The following FMNL3 variants were observed in gnomAD, a reference collection of about 807,000 sequenced individuals.
FMNL3 encodes formin-like protein 3.
In FMNL3, 57 loss-of-function variants were observed where a neutral mutation model predicts 119.6. The observed-to-expected ratio is 0.48, with a 90% CI of 0.39 to 0.59. FMNL3 has a LOEUF of 0.59. FMNL3 is among the 20% of genes least tolerant of loss of function. FMNL3 has a pLI of 0.00. For missense variants in FMNL3, 1,053 were observed against 1,323.5 expected (o/e 0.80, Z 3.17); for synonymous variants, 491 against 507.3 (o/e 0.97, Z 0.43).
intron 1 of FMNL3, among the ~76,000 whole-genome samples, chr12:49,676,514 T>G (rs1033515828): frequency 9.0e-5 from 13 of 144,024 alleles, no homozygotes; most frequent in Non-Finnish European, 1.8e-4. Flanking sequence ...GAATGTTTCA[T>G]AGTGGGTTTT....
chr12:49,649,065 A>G lies in FMNL3; in HGVS notation c.2479T>C (p.Trp827Arg). The change falls in exon 21 of 26, where the codon TGG becomes CGG. Residue 827 changes from tryptophan to arginine, a missense_variant. Physicochemically the swap from Trp to Arg is moderately radical, Grantham distance 101. This residue lies in a region of FMNL3 where 324 missense variants were observed against 380.9 expected (regional missense o/e 0.85). Coordinates refer to ENST00000335154, the MANE Select transcript of FMNL3 (RefSeq NM_175736.5). The surrounding 1 kb of genome is among the most constrained non-coding windows in gnomAD (Gnocchi z 5.6). ...KEKYPDLANF[W>R]HELHFVEKAA... ...TTCTCAACAAAGTGCAGCTCATGCC[A>G]GAAGTTAGCCAGGTCTGGGTATTTC... is the stretch of plus-strand genomic sequence containing the variant. 6.2e-7 allele frequency: 1 copy of G among 1,611,618 alleles called. No homozygotes were observed. Among genetic ancestry groups the G allele is most frequent in the South Asian group, 1.1e-5 (1 of 90,584 alleles).
intron 1 of FMNL3, among the ~76,000 whole-genome samples, chr12:49,686,351 G>A (rs772543012): frequency 2.0e-5 from 3 of 151,640 alleles, no homozygotes; most frequent in East Asian, 2.0e-4. Flanking sequence ...GGAGGCCGAC[G>A]CAGGCGGATC....
At position 49,642,160 on chromosome 12, in the gene FMNL3, T is replaced by C; in HGVS notation, c.*3655A>G. 2 of 1,611,678 alleles carry C rather than the reference T, an allele frequency of 1.2e-6. No homozygotes were observed. The highest frequency in any genetic ancestry group is 1.7e-6 in the Non-Finnish European group (2 of 1,178,454). On this transcript the variant is annotated 3_prime_UTR_variant, in exon 26 of 26. Coordinates refer to ENST00000335154, the MANE Select transcript of FMNL3 (RefSeq NM_175736.5). The surrounding 1 kb of genome is among the most constrained non-coding windows in gnomAD (Gnocchi z 5.8). ...GAAGCCCAGACCCTAACTTTCCACC[T>C]CCTAAGGTATGCCTGAGTGGGACCT...
In FMNL3 at chr12:49,643,417, G is replaced by A. The variant is rs374374885; in HGVS notation, c.*2398C>T. 1.3e-4 allele frequency: 204 copies of A among 1,535,172 alleles called. No individual in the cohort carries two copies. The highest frequency in any genetic ancestry group is 5.0e-4 in the African/African-American group (36 of 72,312). Reference sequence around the variant, plus strand: ...GAGCAGGTAAGCAGTTGCTGTGAGCGTAGAAGCTGGAGAACTGTTGTCCCA... The same window carrying A: ...GAGCAGGTAAGCAGTTGCTGTGAGCATAGAAGCTGGAGAACTGTTGTCCCA... On this transcript the variant is annotated 3_prime_UTR_variant, in exon 26 of 26. Transcript: ENST00000335154.
At chr12:49,660,871 A>T (rs1943713526) in intron 5 of FMNL3, among the ~76,000 whole-genome samples, 1 of 152,198 alleles carries the variant, frequency 6.6e-6, no homozygotes. Flanking sequence ...CTGAGGCAGG[A>T]CTGAGGCAGG....
Position 49,654,308 on chromosome 12 carries a change from G to A in FMNL3, c.961-6C>T, listed in dbSNP as rs1452613708. ...ATGAACTGCATGCAGGCCACCTGAA[G>A]AAGAGGAGGCCCAGAGAAGCAGCAA... On this transcript the variant is annotated splice_region_variant and splice_polypyrimidine_tract_variant and intron_variant, in intron 10 of 25. Transcript: ENST00000335154. 3 of 1,611,954 alleles carry A rather than the reference G, an allele frequency of 1.9e-6. No individual in the cohort carries two copies. The highest frequency in any genetic ancestry group is 2.7e-5 in the African/African-American group (2 of 74,840).
At chr12:49,686,609 CACCTTTATG>C (rs1944470383) in intron 1 of FMNL3, among the ~76,000 whole-genome samples, 1 of 149,368 alleles carries the variant, frequency 6.7e-6, no homozygotes, top group Non-Finnish European at 1.5e-5. Flanking sequence ...AAGTATTGAG[CACCTTTATG>C]TCAGTCACTG....
Position 49,637,319 on chromosome 12 carries a change from A to G in FMNL3, c.*8496T>C, listed in dbSNP as rs544654415. 1.6e-3 allele frequency: 987 copies of G among 620,490 alleles called. 2 individuals carry two copies. The highest frequency in any genetic ancestry group is 2.3e-3 in the Non-Finnish European group (792 of 346,638). 38.4% of individuals were successfully genotyped at this position (620,490 alleles called of 1,614,324 possible). On this transcript the variant is annotated 3_prime_UTR_variant, in exon 26 of 26. Transcript: ENST00000335154. ...CTTTTTGCATTGTTCTCAGCCTTCC[A>G]TCTGCATCTCTTCATCTCTGCCTCT...
At chr12:49,646,776 A>G in intron 25 of FMNL3, 110 bp downstream of exon 25, 2 of 1,571,048 alleles carry the variant, frequency 1.3e-6, no homozygotes, top group South Asian at 2.2e-5. Context: ...AGAGAGACAC[A>G]GTGGTCAGGC....
chr12:49,684,932 T>C (rs1944419717), intron 1 of FMNL3, among the ~76,000 whole-genome samples: 2 of 152,208 alleles, frequency 1.3e-5, no homozygotes, highest in South Asian at 4.1e-4. Flanking sequence ...GGCCCAAGCA[T>C]ACTCTGGACA....
chr12:49,650,980 A>G (rs1327755801), intron 16 of FMNL3, 102 bp from the exon 17 acceptor site: 1 of 1,486,096 alleles, frequency 6.7e-7, no homozygotes, highest in East Asian at 2.3e-5. Flanking sequence ...TCACTCTGGA[A>G]TATTTCCTGA....
rs1942298501 is a variant in FMNL3 at position 49,639,439 on chromosome 12, A to C, written c.*6376T>G. ...AGAAAAGTCAGTAGGCTGTGCAGGAATCTTGTAGGAGGTGATCCTAGCCGG... is the reference window on the plus strand; with the variant it reads ...AGAAAAGTCAGTAGGCTGTGCAGGACTCTTGTAGGAGGTGATCCTAGCCGG... On this transcript the variant is annotated 3_prime_UTR_variant, in exon 26 of 26. Coordinates refer to ENST00000335154, the MANE Select transcript of FMNL3 (RefSeq NM_175736.5). 1 of 152,352 alleles carries C rather than the reference A, an allele frequency of 6.6e-6. No homozygotes were observed. Among genetic ancestry groups the C allele is most frequent in the Non-Finnish European group, 1.5e-5 (1 of 68,084 alleles). The allele number at this position is 152,352 out of a possible 1,614,324, so 9.4% of individuals were successfully genotyped here. A position where few individuals can be genotyped will look rare whatever the true frequency, so the allele number is the denominator to read the frequency against.
chr12:49,636,780 G>A lies in FMNL3; in HGVS notation c.*9035C>T, dbSNP rs773573283. On this transcript the variant is annotated 3_prime_UTR_variant, in exon 26 of 26. Transcript: ENST00000335154. ...ACATCCGAGCTTTGGAGAGGGAAGA[G>A]GAGGAGGAACGGGAGCGGGCCCGGC... The A allele has an allele frequency of 6.2e-7, 1 of 1,614,246 alleles. No homozygotes were observed. The highest frequency in any genetic ancestry group is 8.5e-7 in the Non-Finnish European group (1 of 1,180,034).
chr12:49,684,263 G>A (rs1466833325), intron 1 of FMNL3, among the ~76,000 whole-genome samples: 1 of 152,154 alleles, frequency 6.6e-6, no homozygotes, highest in Non-Finnish European at 1.5e-5. Context: ...CAGGGAAAAT[G>A]ACACCTTAAC....
intron 1 of FMNL3, among the ~76,000 whole-genome samples, chr12:49,703,367 C>T (rs1944960978): frequency 6.6e-6 from 1 of 152,128 alleles, no homozygotes; most frequent in Non-Finnish European, 1.5e-5. Context: ...GATTGGCTCT[C>T]ATTCTGGTAT....
rs1351669273 is a variant in FMNL3, at chr12:49,665,832, C to T, written c.368G>A (p.Gly123Glu). ...AGGCTATACGGCCAATCCAACTCAC[C>T]CAATGTGGTTGGTGCGAAGAGAGAT... ...LEISLRTNHI[G>E]WVREFLNDEN... The change falls in exon 4 of 26, where the codon GGG (glycine) becomes GAG (glutamate). Residue 123 changes from glycine (G) to glutamate (E), a missense_variant and splice_region_variant. Physicochemically the swap from Gly to Glu is moderately conservative, Grantham distance 98. This residue lies in a region of FMNL3 where 264 missense variants were observed against 265.5 expected (regional missense o/e 0.99). Transcript: ENST00000335154. 5.6e-6 allele frequency: 9 copies of T among 1,614,102 alleles called. No individual in the cohort carries two copies. Among genetic ancestry groups the T allele is most frequent in the Non-Finnish European group, 7.6e-6 (9 of 1,180,036 alleles).
At position 49,647,757 on chromosome 12, in the gene FMNL3, A is replaced by G; in HGVS notation, c.2724T>C (p.Thr908=). The G allele has an allele frequency of 6.2e-7, 1 of 1,614,202 alleles. No individual in the cohort carries two copies. Among genetic ancestry groups the G allele is most frequent in the Non-Finnish European group, 8.5e-7 (1 of 1,180,020 alleles). Residue 908 remains threonine, a synonymous_variant, in exon 23 of 26, where the codon ACT becomes ACC. Coordinates refer to ENST00000335154, the MANE Select transcript of FMNL3 (RefSeq NM_175736.5). This position sits in a 1 kb window ranked among gnomAD's most constrained non-coding sequence, Gnocchi z 4.9. Reference sequence around the variant, plus strand: ...CTGGGAAGAATACAGAAGGAGGTGTAGTCTTGGGACTCTCGCCAAAGTAGC... The same window carrying G: ...CTGGGAAGAATACAGAAGGAGGTGTGGTCTTGGGACTCTCGCCAAAGTAGC... ...VVRYFGESPK[T]TPPSVFFPVF...
Position 49,644,016 on chromosome 12 carries a change from G to C in FMNL3, c.*1799C>G, listed in dbSNP as rs369007204. 2.3e-4 allele frequency: 365 copies of C among 1,614,146 alleles called. 1 individual carries two copies. In the African/African-American group the frequency reaches 4.3e-3, roughly 19 times the overall value. Reference sequence around the variant, plus strand: ...TCAAGAAGGAGAAGGTGAGGGGCAGGGGCCCTAGGCCAGTCAGCACGCTGG... The same window carrying C: ...TCAAGAAGGAGAAGGTGAGGGGCAGCGGCCCTAGGCCAGTCAGCACGCTGG... On this transcript the variant is annotated 3_prime_UTR_variant, in exon 26 of 26. Transcript: ENST00000335154.
intron 1 of FMNL3, among the ~76,000 whole-genome samples, chr12:49,700,714 C>CAAAAAAAAA: frequency 1.6e-5 from 1 of 63,992 alleles, no homozygotes; most frequent in Non-Finnish European, 2.8e-5. Context: ...GACTCCACCT[C>CAAAAAAAAA]AAAAAAAAAA....
Sources: gnomAD v4.1 joint callset for allele counts (sites outside exome capture counted in the v4.1 genomes callset) on GRCh38, gnomAD v4.1.1 for gene constraint, gnomAD v4.1.1 regional missense constraint, Gnocchi (gnomAD v3.1) non-coding constraint, MANE v1.5 for transcripts, NCBI Gene and HGNC (gene_info 2026-07-23, HGNC 2026-07-21) for gene names.